Variants in BPTF observed in about 807,000 individuals in gnomAD.
BPTF encodes bromodomain PHD finger transcription factor.
BPTF carries 18 observed loss-of-function variants against 292.5 expected under a neutral mutation model. That is an observed-to-expected ratio of 0.06 (90% CI 0.04 to 0.09). The LOEUF (loss-of-function observed/expected upper bound fraction) is 0.09. Ranked by LOEUF, BPTF falls within the 10% of genes least tolerant of loss-of-function variation. The probability of loss-of-function intolerance (pLI) is 1.00; values close to 1 mark genes in which losing one functional copy is unlikely to be tolerated. For missense variants in BPTF, 2,726 were observed against 3,498.7 expected (o/e 0.78, Z 5.57); for synonymous variants, 1,225 against 1,251.9 (o/e 0.98, Z 0.45).
At chr17:67,837,658 C>A (rs559182163) in intron 1 of BPTF, among the ~76,000 whole-genome samples, 1 of 152,316 alleles carries the variant, frequency 6.6e-6, no homozygotes, top group East Asian at 1.9e-4. Context: ...AATCTGCCCA[C>A]CTTGGCCTCT....
At chr17:67,908,299 C>T (rs755195316) in intron 9 of BPTF, among the ~76,000 whole-genome samples, 1 of 152,014 alleles carries the variant, frequency 6.6e-6, no homozygotes, top group Non-Finnish European at 1.5e-5. Flanking sequence ...GCTGGGACTA[C>T]AGGCTCGTAC....
intron 18 of BPTF, among the ~76,000 whole-genome samples, chr17:67,940,196 G>GT (rs2065254307): frequency 6.6e-6 from 1 of 152,076 alleles, no homozygotes; most frequent in Admixed American, 6.6e-5. Context: ...ATTTTAATTG[G>GT]TTTTTTCCAT....
intron 4 of BPTF, chr17:67,886,252 A>C (rs1009365909): frequency 6.2e-7 from 1 of 1,614,096 alleles, no homozygotes; most frequent in Non-Finnish European, 8.5e-7. Context: ...CTGCTAAGGC[A>C]GCTGATGATC....
At chr17:67,846,130 C>A (rs1337394928) in intron 1 of BPTF, among the ~76,000 whole-genome samples, 1 of 152,072 alleles carries the variant, frequency 6.6e-6, no homozygotes, top group Non-Finnish European at 1.5e-5. Context: ...GTAAATAAAT[C>A]TTTCAAATAT....
intron 12 of BPTF, among the ~76,000 whole-genome samples, chr17:67,919,614 G>A (rs1362079034): frequency 6.6e-6 from 1 of 152,162 alleles, no homozygotes; most frequent in Non-Finnish European, 1.5e-5. Context: ...GGCCAGAAGG[G>A]AAGGTTCAGA....
At chr17:67,887,811 T>C (rs1438422268) in intron 4 of BPTF, among the ~76,000 whole-genome samples, 1 of 152,178 alleles carries the variant, frequency 6.6e-6, no homozygotes, top group Non-Finnish European at 1.5e-5. Context: ...CCTCATTCTC[T>C]CCCAGTACAG....
chr17:67,978,385 G>A (rs2069835634), intron 27 of BPTF, among the ~76,000 whole-genome samples: 1 of 150,660 alleles, frequency 6.6e-6, no homozygotes, highest in South Asian at 2.1e-4. Flanking sequence ...TGCAACATCT[G>A]CCTCCTGGGT....
At chr17:67,960,434 G>A (rs1391604289) in intron 24 of BPTF, 1 of 152,162 alleles carries the variant, frequency 6.6e-6, no homozygotes, top group Non-Finnish European at 1.5e-5. Flanking sequence ...AATACAAAAA[G>A]TGTTCCTTTC....
At chr17:67,958,198 C>T (rs577156190) in intron 23 of BPTF, among the ~76,000 whole-genome samples, 21 of 151,392 alleles carry the variant, frequency 1.4e-4, no homozygotes, top group African/African-American at 4.6e-4. Context: ...TTTGGTGGCA[C>T]GTGCCTGTGG....
intron 1 of BPTF, among the ~76,000 whole-genome samples, chr17:67,850,706 A>G (rs2058341162): frequency 6.6e-6 from 1 of 152,152 alleles, no homozygotes; most frequent in South Asian, 2.1e-4. Context: ...GTTGATATGC[A>G]TAGCCCTAAA....
At chr17:67,923,124 T>G in intron 14 of BPTF, 134 bp downstream of exon 14, 2 of 1,019,786 alleles carry the variant, frequency 2.0e-6, no homozygotes, top group East Asian at 5.7e-5. Context: ...GGCACAATCT[T>G]GGCTCACTGC....
chr17:67,874,451 T>C (rs1045011182), intron 3 of BPTF, among the ~76,000 whole-genome samples: 3 of 152,216 alleles, frequency 2.0e-5, no homozygotes, highest in African/African-American at 7.2e-5. Flanking sequence ...TTTTGATCAC[T>C]GCAGTGTGCT....
At chr17:67,827,954 G>A (rs1289689900) in intron 1 of BPTF, among the ~76,000 whole-genome samples, 23 of 147,538 alleles carry the variant, frequency 1.6e-4, no homozygotes, top group Admixed American at 1.6e-3. Context: ...TTTTTTGAGA[G>A]GGAGTCTTGC....
chr17:67,919,771 GCCACCAGGAGC>G, intron 12 of BPTF, among the ~76,000 whole-genome samples: 1 of 152,030 alleles, frequency 6.6e-6, no homozygotes, highest in East Asian at 1.9e-4. Flanking sequence ...ATTGAGTATT[GCCACCAGGAGC>G]TCAGCTATAC....
chr17:67,978,226 G>A (rs1318259090), intron 27 of BPTF, among the ~76,000 whole-genome samples: 1 of 151,578 alleles, frequency 6.6e-6, no homozygotes, highest in African/African-American at 2.4e-5. Context: ...GAGCTCAAGC[G>A]ATCCTCCCAC....
chr17:67,898,845 C>T (rs2061627445), intron 7 of BPTF, among the ~76,000 whole-genome samples: 1 of 150,316 alleles, frequency 6.7e-6, no homozygotes, highest in Non-Finnish European at 1.5e-5. Context: ...TCACTTGAGG[C>T]CAGGAGCTGG....
At chr17:67,962,468 C>G (rs1216996388) in intron 24 of BPTF, among the ~76,000 whole-genome samples, 1 of 152,200 alleles carries the variant, frequency 6.6e-6, no homozygotes, top group African/African-American at 2.4e-5. Context: ...CCACTCTGCT[C>G]TCCACAATCA....
intron 27 of BPTF, among the ~76,000 whole-genome samples, chr17:67,979,906 G>A (rs1278869449): frequency 1.3e-5 from 2 of 151,820 alleles, no homozygotes; most frequent in Non-Finnish European, 2.9e-5. Context: ...TAGGTGTGGT[G>A]GTGCACGCTT....
At chr17:67,945,333 AT>A (rs2065725159) in intron 20 of BPTF, 75 bp from the exon 21 acceptor site, 4 of 1,538,108 alleles carry the variant, frequency 2.6e-6, no homozygotes, top group Non-Finnish European at 3.5e-6. Flanking sequence ...ACTTCAGAAG[AT>A]TTCCTTCAGA....
Sources: allele counts gnomAD v4.1 joint callset (sites outside exome capture counted in the v4.1 genomes callset), GRCh38; gene constraint gnomAD v4.1.1; transcripts MANE v1.5; gene names NCBI Gene and HGNC (gene_info 2026-07-23, HGNC 2026-07-21).